Variants in UNC80 observed in about 807,000 individuals in gnomAD.
UNC80 encodes the protein unc-80 subunit of NALCN channel complex.
In UNC80, 164 loss-of-function variants were observed where a neutral mutation model predicts 384.6. The observed-to-expected ratio is 0.43, with a 90% CI of 0.38 to 0.49. The LOEUF is 0.49. UNC80 is among the 20% of genes least tolerant of loss of function. The pLI is 0.00. For missense variants in UNC80, 3,330 were observed against 4,143.0 expected (o/e 0.80, Z 5.39); for synonymous variants, 1,486 against 1,527.8 (o/e 0.97, Z 0.64).
intron 25 of UNC80, among the ~76,000 whole-genome samples, chr2:209,883,145 A>G (rs1376378614): frequency 2.0e-5 from 3 of 152,218 alleles, no homozygotes; most frequent in Non-Finnish European, 4.4e-5. Context: ...CCTAGTTGGT[A>G]GTAAAGAAAA....
In UNC80 at chr2:209,897,672, C is replaced by T. The variant is rs1439587663; in HGVS notation, c.4581+1259C>T. ...TGAATCTTCCAATGTTTAAAATGGT[C>T]GCTCCACTAATGTCTGTTTCTCCAT... On this transcript the variant is annotated intron_variant, in intron 28 of 64. Transcript: ENST00000673920. 2.6e-5 allele frequency among the ~76,000 whole-genome samples: 4 copies of T among 152,142 alleles called. No individual in the cohort carries two copies. The South Asian group carries it at 6.2e-4, about 24-fold the overall frequency.
intron 26 of UNC80, among the ~76,000 whole-genome samples, chr2:209,890,544 A>T (rs1285184036): frequency 2.6e-5 from 4 of 152,224 alleles, no homozygotes; most frequent in Non-Finnish European, 4.4e-5. Flanking sequence ...TGATCATAAG[A>T]TGTCATCTCT....
At chr2:209,939,699 C>T in intron 43 of UNC80, 47 bp downstream of exon 43, 1 of 1,451,542 alleles carries the variant, frequency 6.9e-7, no homozygotes, top group African/African-American at 1.4e-5. Context: ...TTCTAACACA[C>T]TTGTTGTTTT....
At chr2:209,811,907 G>T (rs1002208196) in intron 7 of UNC80, among the ~76,000 whole-genome samples, 1 of 152,132 alleles carries the variant, frequency 6.6e-6, no homozygotes, top group Non-Finnish European at 1.5e-5. Context: ...ATACGGTTTG[G>T]ATTTGTATTT....
intron 61 of UNC80, among the ~76,000 whole-genome samples, chr2:209,989,624 T>A (rs1465914601): frequency 6.6e-6 from 1 of 152,188 alleles, no homozygotes; most frequent in African/African-American, 2.4e-5. Flanking sequence ...TTCAAAAAAT[T>A]TAAATAAAAA....
At chr2:209,788,626 AAT>A (rs1186710662) in intron 5 of UNC80, among the ~76,000 whole-genome samples, 2 of 148,252 alleles carry the variant, frequency 1.3e-5, no homozygotes, top group African/African-American at 4.9e-5. Context: ...TAAATTTATA[AAT>A]ATATGACTAT....
intron 7 of UNC80, among the ~76,000 whole-genome samples, chr2:209,797,569 A>C (rs948207999): frequency 6.6e-6 from 1 of 152,142 alleles, no homozygotes; most frequent in Non-Finnish European, 1.5e-5. Flanking sequence ...TATCCAGTCT[A>C]TCATTGATGG....
rs1480683722 is a variant in UNC80 at position 209,995,402 on chromosome 2, C to T, written c.9782C>T (p.Pro3261Leu). 5.2e-6 allele frequency: 8 copies of T among 1,551,854 alleles called. No individual in the cohort carries two copies. In the Admixed American group the frequency reaches 1.2e-4, roughly 23 times the overall value. The stretch of plus-strand genomic sequence containing the variant: ...GCACAAGGTGCTACTGCACACAGTC[C>T]ACTCTCTGCCCAACTCTCTGACCCT... ...TEAQGATAHS[P>L]LSAQLSDPDD... The change falls in exon 65 of 65, where the codon CCA becomes CTA. Residue 3261 changes from proline (P) to leucine (L), a missense_variant. Pro to Leu is a moderately conservative substitution (Grantham distance 98). Coordinates refer to ENST00000673920, the MANE Select transcript of UNC80 (RefSeq NM_001371986.1).
rs1464005661 is a variant in UNC80 at position 209,995,725 on chromosome 2, C to A, written c.*130C>A. On this transcript the variant is annotated 3_prime_UTR_variant, in exon 65 of 65. Coordinates refer to ENST00000673920, the MANE Select transcript of UNC80 (RefSeq NM_001371986.1). ...TTTACTTCTAATGGGTGGCACAAATCTGAATAGGTTTTGCTGCCAATACAC... is the reference window on the plus strand; with the variant it reads ...TTTACTTCTAATGGGTGGCACAAATATGAATAGGTTTTGCTGCCAATACAC... 1.8e-6 allele frequency: 2 copies of A among 1,114,162 alleles called. No individual in the cohort carries two copies. Among genetic ancestry groups the A allele is most frequent in the Non-Finnish European group, 2.5e-6 (2 of 797,082 alleles). 69.0% of individuals were successfully genotyped at this position (1,114,162 alleles called of 1,614,324 possible). A position where few individuals can be genotyped will look rare whatever the true frequency, so the allele number is the denominator to read the frequency against.
intron 7 of UNC80, among the ~76,000 whole-genome samples, chr2:209,807,509 C>T (rs766046182): frequency 1.4e-4 from 22 of 151,866 alleles, no homozygotes; most frequent in Non-Finnish European, 2.9e-4. Context: ...GGACTATAGG[C>T]GCCCACCACC....
intron 61 of UNC80, among the ~76,000 whole-genome samples, chr2:209,987,280 A>C (rs1355094802): frequency 6.6e-6 from 1 of 152,188 alleles, no homozygotes; most frequent in African/African-American, 2.4e-5. Flanking sequence ...AAAATTTGCC[A>C]TACCTATAGA....
intron 27 of UNC80, 33 bp downstream of exon 27, chr2:209,894,399 G>A (rs559762210): frequency 2.0e-6 from 2 of 978,842 alleles, no homozygotes; most frequent in East Asian, 2.3e-4. Flanking sequence ...GCAGGGACGT[G>A]GGGGGTAGGA....
intron 52 of UNC80, 164 bp from the exon 53 acceptor site, chr2:209,969,601 ATCT>A (rs1308623891): frequency 8.9e-6 from 8 of 900,980 alleles, no homozygotes; most frequent in Non-Finnish European, 1.3e-5. Context: ...CGTTTTCAGT[ATCT>A]TCTTCCCCTC....
At chr2:209,995,062 C>T (rs1033751814) in intron 64 of UNC80, among the ~76,000 whole-genome samples, 5 of 152,094 alleles carry the variant, frequency 3.3e-5, no homozygotes, top group African/African-American at 1.2e-4. Context: ...GGTTAAAAAA[C>T]ATTTTAACAC....
chr2:209,969,700 C>G (rs972667341), intron 52 of UNC80, 68 bp from the exon 53 acceptor site: 2 of 1,535,486 alleles, frequency 1.3e-6, no homozygotes, highest in African/African-American at 2.8e-5. Context: ...GAATCACTGT[C>G]TCATTCACTT....
intron 24 of UNC80, among the ~76,000 whole-genome samples, chr2:209,879,428 G>GT (rs2085079113): frequency 6.6e-6 from 1 of 152,126 alleles, no homozygotes; most frequent in Non-Finnish European, 1.5e-5. Flanking sequence ...TAGAATATTA[G>GT]TTTTTTGTTG....
chr2:209,844,108 T>C (rs190971464), intron 21 of UNC80, among the ~76,000 whole-genome samples: 3 of 152,188 alleles, frequency 2.0e-5, no homozygotes, highest in Non-Finnish European at 4.4e-5. Context: ...TTACACTCTT[T>C]CCACTCCTCA....
intron 61 of UNC80, among the ~76,000 whole-genome samples, chr2:209,986,643 A>G (rs1334733238): frequency 6.6e-6 from 1 of 152,066 alleles, no homozygotes; most frequent in Non-Finnish European, 1.5e-5. Context: ...TTCTGTGACC[A>G]TTGTGTTTTA....
intron 61 of UNC80, among the ~76,000 whole-genome samples, chr2:209,989,069 T>A (rs2093344770): frequency 6.6e-6 from 1 of 151,830 alleles, no homozygotes; most frequent in South Asian, 2.1e-4. Context: ...TTCCACCACT[T>A]TGGGAGGCCG....
Sources: allele counts gnomAD v4.1 joint callset (sites outside exome capture counted in the v4.1 genomes callset), GRCh38; gene constraint gnomAD v4.1.1; transcripts MANE v1.5; gene names NCBI Gene and HGNC (gene_info 2026-07-23, HGNC 2026-07-21).